Variants in GPC5 observed in about 807,000 individuals in gnomAD.
The protein encoded by GPC5 is glypican 5.
Under a neutral mutation model 53.9 loss-of-function variants are expected in GPC5, and 47 were observed. The ratio of observed to expected loss-of-function variants is 0.87; its 90% CI spans 0.69 to 1.11. The LOEUF is 1.11. Among genes scored for constraint, GPC5 ranks in the 50% most tolerant of loss-of-function variants. The pLI is 0.00. For missense variants in GPC5, 748 were observed against 713.1 expected (o/e 1.05, Z -0.56); for synonymous variants, 286 against 263.3 (o/e 1.09, Z -0.84).
chr13:92,475,856 C>T (rs1879102023), intron 7 of GPC5, among the ~76,000 whole-genome samples: 1 of 147,710 alleles, frequency 6.8e-6, no homozygotes, highest in South Asian at 2.2e-4. Flanking sequence ...AAAGCTGAAA[C>T]TGGATCCCTT....
intron 7 of GPC5, among the ~76,000 whole-genome samples, chr13:92,432,493 C>G (rs574716271): frequency 6.7e-6 from 1 of 149,440 alleles, no homozygotes; most frequent in African/African-American, 2.5e-5. Context: ...AACTCATGGT[C>G]AAGTGATCTG....
intron 6 of GPC5, among the ~76,000 whole-genome samples, chr13:91,999,372 T>C (rs998104739): frequency 9.2e-5 from 14 of 152,272 alleles, no homozygotes; most frequent in Admixed American, 7.2e-4. Flanking sequence ...CATAATTCCA[T>C]TGTCAACTTC....
chr13:91,728,298 A>G (rs1409298060), intron 3 of GPC5, among the ~76,000 whole-genome samples: 1 of 152,188 alleles, frequency 6.6e-6, no homozygotes, highest in Non-Finnish European at 1.5e-5. Flanking sequence ...TTACACATGT[A>G]TACTGCATAC....
rs548804908 is a variant in GPC5, at chr13:91,680,376, G to T, written c.326-12811G>T. 2.6e-5 allele frequency among the ~76,000 whole-genome samples: 4 copies of T among 152,332 alleles called. No homozygotes were observed. The South Asian group carries it at 8.3e-4, about 32-fold the overall frequency. On this transcript the variant is annotated intron_variant, in intron 2 of 7. Coordinates refer to ENST00000377067, the MANE Select transcript of GPC5 (RefSeq NM_004466.6). ...AGGCAGGAGAATCACTTGAACCAGG[G>T]AGGCGGAGGTTGCAGTGAGCAAAGA...
chr13:91,460,041 T>C (rs633460), intron 2 of GPC5, among the ~76,000 whole-genome samples: 110,101 of 152,036 alleles, frequency 0.72, 42,691 homozygotes, highest in Non-Finnish European at 0.87. Flanking sequence ...CATGAGTTTG[T>C]ATATGAGAAA....
At chr13:92,241,188 A>T (rs2042609342) in intron 7 of GPC5, 1 of 152,194 alleles carries the variant, frequency 6.6e-6, no homozygotes. Context: ...AAATAAAAGA[A>T]GATGAACATC....
intron 7 of GPC5, among the ~76,000 whole-genome samples, chr13:92,849,620 C>A (rs1466741110): frequency 6.6e-6 from 1 of 152,120 alleles, no homozygotes; most frequent in Non-Finnish European, 1.5e-5. Context: ...CTTGCTGCAG[C>A]TAATTTTTAA....
At chr13:92,533,505 G>A (rs9589572) in intron 7 of GPC5, among the ~76,000 whole-genome samples, 3,070 of 152,164 alleles carry the variant, frequency 0.02, 120 homozygotes, top group African/African-American at 0.069. Flanking sequence ...GCTGAAACCC[G>A]TATAATATAG....
chr13:91,431,043 T>G (rs1464711009), intron 1 of GPC5, among the ~76,000 whole-genome samples: 2 of 152,008 alleles, frequency 1.3e-5, no homozygotes, highest in Admixed American at 6.6e-5. Flanking sequence ...CCTGACTAAT[T>G]TTTCTATTTT....
intron 7 of GPC5, among the ~76,000 whole-genome samples, chr13:92,850,710 G>C (rs934158392): frequency 6.6e-6 from 1 of 152,192 alleles, no homozygotes; most frequent in Non-Finnish European, 1.5e-5. Flanking sequence ...GTAACGAGGA[G>C]TTATCCCTTC....
chr13:91,621,761 T>TATATA (rs11462875), intron 2 of GPC5, among the ~76,000 whole-genome samples: 1,446 of 46,786 alleles, frequency 0.031, 320 homozygotes, highest in African/African-American at 0.051. Flanking sequence ...GGACAGAACA[T>TATATA]TATATATATA....
chr13:91,576,335 A>G (rs2032135544), intron 2 of GPC5, among the ~76,000 whole-genome samples: 3 of 151,894 alleles, frequency 2.0e-5, no homozygotes, highest in Admixed American at 2.0e-4. Context: ...ATATATATAT[A>G]TATTGAAATC....
intron 6 of GPC5, among the ~76,000 whole-genome samples, chr13:91,977,047 A>G (rs961777356): frequency 6.9e-5 from 8 of 116,266 alleles, no homozygotes; most frequent in African/African-American, 4.1e-4. Flanking sequence ...TCAATAAATA[A>G]ATAAATAAAT....
intron 7 of GPC5, among the ~76,000 whole-genome samples, chr13:92,840,392 C>T (rs867323698): frequency 3.9e-5 from 6 of 151,986 alleles, no homozygotes; most frequent in South Asian, 2.1e-4. Context: ...TATTGAGTGA[C>T]ATTAGCATTC....
chr13:91,943,106 A>G (rs1190631604), intron 6 of GPC5, among the ~76,000 whole-genome samples: 1 of 152,126 alleles, frequency 6.6e-6, no homozygotes, highest in Non-Finnish European at 1.5e-5. Flanking sequence ...TACCATAATT[A>G]CACATGTTGT....
intron 6 of GPC5, among the ~76,000 whole-genome samples, chr13:91,972,565 T>C (rs181053376): frequency 3.4e-4 from 52 of 152,332 alleles, no homozygotes; most frequent in Non-Finnish European, 6.0e-4. Context: ...CTAGCCTTGA[T>C]GGTCTTTACA....
At chr13:91,713,287 T>G (rs2036268038) in intron 3 of GPC5, among the ~76,000 whole-genome samples, 1 of 152,132 alleles carries the variant, frequency 6.6e-6, no homozygotes, top group Non-Finnish European at 1.5e-5. Context: ...AAACTTATAT[T>G]TATGAAAAAA....
At chr13:91,432,236 T>G (rs944679347) in intron 1 of GPC5, among the ~76,000 whole-genome samples, 8 of 151,416 alleles carry the variant, frequency 5.3e-5, no homozygotes, top group African/African-American at 2.0e-4. Flanking sequence ...TGTGTGTGTG[T>G]GTGTGTGTGT....
At chr13:91,639,108 G>A (rs144389362) in intron 2 of GPC5, among the ~76,000 whole-genome samples, 47 of 152,304 alleles carry the variant, frequency 3.1e-4, no homozygotes, top group African/African-American at 9.9e-4. Flanking sequence ...AAAAATGTGA[G>A]TTATCTTTTC....
Sources: gnomAD v4.1 joint callset for allele counts (sites outside exome capture counted in the v4.1 genomes callset) on GRCh38, gnomAD v4.1.1 for gene constraint, MANE v1.5 for transcripts, NCBI Gene and HGNC (gene_info 2026-07-23, HGNC 2026-07-21) for gene names.